The following SH3GL1 variants were observed in gnomAD, a reference collection of about 807,000 sequenced individuals.
SH3GL1 encodes the protein SH3 domain containing GRB2 like 1, endophilin A2.
A neutral mutation model predicts 48.8 loss-of-function variants in SH3GL1; 21 were observed. That is an observed-to-expected ratio of 0.43 (90% CI 0.30 to 0.62). The LOEUF is 0.62. Ranked by LOEUF, SH3GL1 falls within the 20% of genes least tolerant of loss-of-function variation. The pLI, the probability that SH3GL1 is intolerant of heterozygous loss-of-function variation, is 0.11. For synonymous variants in SH3GL1, 282 were observed against 217.5 expected, an observed-to-expected ratio of 1.30 and a Z score of -2.61; for missense variants, 454 against 503.0, an observed-to-expected ratio of 0.90 and a Z score of 0.93.
intron 1 of SH3GL1, among the ~76,000 whole-genome samples, chr19:4,371,732 A>T (rs1972905317): frequency 6.6e-6 from 1 of 152,116 alleles, no homozygotes; most frequent in African/African-American, 2.4e-5. Flanking sequence ...AGCAGAGTTC[A>T]CGGGTCCTCC....
At chr19:4,396,304 CAGG>C (rs1973423985) in intron 1 of SH3GL1, among the ~76,000 whole-genome samples, 1 of 152,062 alleles carries the variant, frequency 6.6e-6, no homozygotes, top group African/African-American at 2.4e-5. Flanking sequence ...GAGGCTGAGG[CAGG>C]AGAATTGCTT....
intron 7 of SH3GL1, 86 bp from the exon 8 acceptor site, chr19:4,362,822 C>T (rs1392376224): frequency 6.3e-7 from 1 of 1,599,288 alleles, no homozygotes; most frequent in Non-Finnish European, 8.5e-7. Flanking sequence ...GCCTAATGAC[C>T]TGGCCTGGGA....
At position 4,364,579 on chromosome 19, in the gene SH3GL1, T is replaced by C. The variant is rs367984278; in HGVS notation, c.332-358A>G. 602 of 284,498 alleles carry C rather than the reference T, an allele frequency of 2.1e-3. 3 individuals are homozygous for C. The highest frequency in any genetic ancestry group is 9.6e-3 in the African/African-American group (435 of 45,296). 17.6% of individuals were successfully genotyped at this position (284,498 alleles called of 1,614,324 possible). ...CTGAGTAAGGGGGATTACAGGGGCC[T>C]GCCACCACATCCAGCTAATTTTTGT... On this transcript the variant is annotated intron_variant, in intron 4 of 9. Transcript: ENST00000269886.
chr19:4,369,479 G>A (rs1273128936), intron 1 of SH3GL1, among the ~76,000 whole-genome samples: 1 of 152,226 alleles, frequency 6.6e-6, no homozygotes, highest in Non-Finnish European at 1.5e-5. Flanking sequence ...CAGGCTGGCA[G>A]GAGTGGCTCC....
intron 1 of SH3GL1, among the ~76,000 whole-genome samples, chr19:4,398,188 G>C (rs913264055): frequency 6.6e-6 from 1 of 151,998 alleles, no homozygotes; most frequent in Non-Finnish European, 1.5e-5. Flanking sequence ...TACCTGCTGG[G>C]TGTTACTGGG....
At chr19:4,362,018 C>T (rs370615254) in intron 9 of SH3GL1, among the ~76,000 whole-genome samples, 2 of 152,140 alleles carry the variant, frequency 1.3e-5, no homozygotes, top group Non-Finnish European at 2.9e-5. Context: ...CAAAGCTACT[C>T]CTGGGAAGTG....
intron 4 of SH3GL1, chr19:4,364,470 G>T: frequency 2.0e-6 from 1 of 509,984 alleles, no homozygotes; most frequent in Admixed American, 3.2e-5. Flanking sequence ...TCTCGCTGTT[G>T]CCCAGGCTGC....
At position 4,362,571 on chromosome 19, in the gene SH3GL1, G is replaced by A. The variant is rs758700685; in HGVS notation, c.853+41C>T. The A allele has an allele frequency of 1.7e-5, 28 of 1,611,238 alleles. No homozygotes were observed. The Middle Eastern group carries it at 7.6e-4, about 44-fold the overall frequency. ...GGCCAGCCCTTGGCCACTCCCACCC[G>A]CTGGCATTTGCCTCCGCAAGAGGGC... On this transcript the variant is annotated intron_variant, in intron 8 of 9. Transcript: ENST00000269886.
intron 7 of SH3GL1, 115 bp from the exon 8 acceptor site, chr19:4,362,851 A>C: frequency 6.5e-7 from 1 of 1,539,486 alleles, no homozygotes; most frequent in South Asian, 1.1e-5. Flanking sequence ...AGAGGCCGTC[A>C]GTGGGGTTGT....
Position 4,389,246 on chromosome 19 carries a change from G to A in SH3GL1, c.45+11078C>T, listed in dbSNP as rs963245974. Among the ~76,000 whole-genome samples, 1 of 152,198 alleles carries A rather than the reference G, an allele frequency of 6.6e-6. No individual in the cohort carries two copies. Among genetic ancestry groups the A allele is most frequent in the African/African-American group, 2.4e-5 (1 of 41,456 alleles). On this transcript the variant is annotated intron_variant, in intron 1 of 9. Transcript: ENST00000269886. The surrounding 1 kb of genome is among the most constrained non-coding windows in gnomAD (Gnocchi z 4.5). ...CAGGAGCTGCCGTCCGATGGGAGGA[G>A]AGCACCTCACACGAACACCAGCGTG...
chr19:4,390,372 G>C (rs762344993), intron 1 of SH3GL1: 3 of 152,670 alleles, frequency 2.0e-5, no homozygotes, highest in Non-Finnish European at 4.4e-5. Context: ...GCGAGAGATA[G>C]AGAAAGAGAG....
chr19:4,364,286 C>T, intron 4 of SH3GL1, 65 bp from the exon 5 acceptor site: 1 of 1,599,164 alleles, frequency 6.3e-7, no homozygotes, highest in Non-Finnish European at 8.6e-7. Context: ...AGACACTCCT[C>T]AGCCTTTGTT....
intron 1 of SH3GL1, among the ~76,000 whole-genome samples, chr19:4,369,716 G>A (rs1031346967): frequency 2.0e-5 from 3 of 152,178 alleles, no homozygotes; most frequent in Non-Finnish European, 2.9e-5. Context: ...CCCCACAACC[G>A]CCTGACTCCT....
rs1035785820 is a variant in SH3GL1, at chr19:4,400,230, C to A, written c.45+94G>T. The A allele has an allele frequency of 7.5e-7, 1 of 1,337,870 alleles. No homozygotes were observed. Among genetic ancestry groups the A allele is most frequent in the South Asian group, 1.3e-5 (1 of 76,820 alleles). 82.9% of individuals were successfully genotyped at this position (1,337,870 alleles called of 1,614,324 possible). A position where few individuals can be genotyped will look rare whatever the true frequency, so the allele number is the denominator to read the frequency against. On this transcript the variant is annotated intron_variant, in intron 1 of 9. Coordinates refer to ENST00000269886, the MANE Select transcript of SH3GL1 (RefSeq NM_003025.4). The surrounding 1 kb of genome is among the most constrained non-coding windows in gnomAD (Gnocchi z 4.1). ...CACGCGCCAACGTCCCCACCTCGGT[C>A]CCCCCGGCCCCCTCCCGGGCCAGGT...
At chr19:4,392,019 A>C (rs766431419) in intron 1 of SH3GL1, among the ~76,000 whole-genome samples, 36 of 152,280 alleles carry the variant, frequency 2.4e-4, no homozygotes, top group Non-Finnish European at 4.4e-4. Flanking sequence ...CCCTTCCTAC[A>C]TCTGTTGCCA....
chr19:4,367,126 A>C lies in SH3GL1; in HGVS notation c.46-132T>G. On this transcript the variant is annotated intron_variant, in intron 1 of 9. Coordinates refer to ENST00000269886, the MANE Select transcript of SH3GL1 (RefSeq NM_003025.4). The surrounding 1 kb of genome is among the most constrained non-coding windows in gnomAD (Gnocchi z 4.2). ...AGGAGGCCAAGTGATCAGGACACAC[A>C]CCTCAGGCACTGCCGTGGGCACCCC... 1 of 654,346 alleles carries C rather than the reference A, an allele frequency of 1.5e-6. No individual in the cohort carries two copies. The allele number at this position is 654,346 out of a possible 1,614,324, so 40.5% of individuals were successfully genotyped here.
intron 1 of SH3GL1, among the ~76,000 whole-genome samples, chr19:4,381,187 C>T (rs1973117275): frequency 7.4e-6 from 1 of 135,266 alleles, no homozygotes; most frequent in African/African-American, 2.8e-5. Context: ...TGTCCCCCTG[C>T]CTCTCTCTCC....
At chr19:4,386,217 C>T (rs1973231761) in intron 1 of SH3GL1, among the ~76,000 whole-genome samples, 1 of 152,190 alleles carries the variant, frequency 6.6e-6, no homozygotes, top group African/African-American at 2.4e-5. Context: ...TGATGGATGC[C>T]TGCCTGAGTC....
chr19:4,400,189 C>T lies in SH3GL1; in HGVS notation c.45+135G>A. 2.1e-6 allele frequency: 2 copies of T among 961,212 alleles called. No homozygotes were observed. The highest frequency in any genetic ancestry group is 3.0e-6 in the Non-Finnish European group (2 of 673,766). 59.5% of individuals were successfully genotyped at this position (961,212 alleles called of 1,614,324 possible). Reference sequence around the variant, plus strand: ...TCGCCCCCGTCCGTCCCTTGGTCTTCCCACCTGGCAGGGGACACGCGCCAA... The same window carrying T: ...TCGCCCCCGTCCGTCCCTTGGTCTTTCCACCTGGCAGGGGACACGCGCCAA... On this transcript the variant is annotated intron_variant, in intron 1 of 9. Coordinates refer to ENST00000269886, the MANE Select transcript of SH3GL1 (RefSeq NM_003025.4). This position sits in a 1 kb window ranked among gnomAD's most constrained non-coding sequence, Gnocchi z 4.1.
Sources: allele counts gnomAD v4.1 joint callset (sites outside exome capture counted in the v4.1 genomes callset), GRCh38; gene constraint gnomAD v4.1.1; non-coding constraint Gnocchi (gnomAD v3.1); transcripts MANE v1.5; gene names NCBI Gene and HGNC (gene_info 2026-07-23, HGNC 2026-07-21).